Variants in JADE2 observed in about 807,000 individuals in gnomAD.
JADE2 encodes the protein E3 ubiquitin-protein ligase Jade-2.
Under a neutral mutation model 85.7 loss-of-function variants are expected in JADE2, and 13 were observed. The ratio of observed to expected loss-of-function variants is 0.15; its 90% CI spans 0.10 to 0.24. The LOEUF is 0.24. Ranked by LOEUF, JADE2 falls within the 10% of genes least tolerant of loss-of-function variation. JADE2 has a pLI of 1.00. For synonymous variants in JADE2, 440 were observed against 456.1 expected, an observed-to-expected ratio of 0.96 and a Z score of 0.45; for missense variants, 846 against 1,115.9, an observed-to-expected ratio of 0.76 and a Z score of 3.45.
At chr5:134,531,060 ACACTGGG>A (rs1761201629) in intron 1 of JADE2, among the ~76,000 whole-genome samples, 1 of 152,186 alleles carries the variant, frequency 6.6e-6, no homozygotes, top group African/African-American at 2.4e-5. Context: ...TATTCCGTGG[ACACTGGG>A]TGGTGAATTT....
chr5:134,533,806 G>C (rs1761410046), intron 1 of JADE2, among the ~76,000 whole-genome samples: 1 of 150,024 alleles, frequency 6.7e-6, no homozygotes, highest in African/African-American at 2.5e-5. Context: ...GCGTGCAGTG[G>C]CACGATCATG....
At chr5:134,531,160 A>G (rs1761209331) in intron 1 of JADE2, among the ~76,000 whole-genome samples, 1 of 152,226 alleles carries the variant, frequency 6.6e-6, no homozygotes, top group Non-Finnish European at 1.5e-5. Context: ...ACATGCATAG[A>G]CCACATAGAA....
At chr5:134,543,547 C>G (rs1192436148) in intron 3 of JADE2, among the ~76,000 whole-genome samples, 2 of 152,016 alleles carry the variant, frequency 1.3e-5, no homozygotes, top group East Asian at 1.9e-4. Context: ...CATGGTGATG[C>G]ACACCTGTAA....
intron 1 of JADE2, chr5:134,526,581 G>A (rs937258767): frequency 4.1e-6 from 4 of 985,394 alleles, no homozygotes; most frequent in Non-Finnish European, 3.6e-6. Flanking sequence ...CTGGGCTCAC[G>A]TGCAGCCGGT....
At chr5:134,573,813 G>A (rs762360826) in intron 10 of JADE2, 51 bp downstream of exon 10, 24 of 1,151,608 alleles carry the variant, frequency 2.1e-5, no homozygotes, top group South Asian at 1.7e-4. Context: ...CCTCTCTTGC[G>A]GGGCTGGGTC....
intron 3 of JADE2, among the ~76,000 whole-genome samples, chr5:134,547,579 T>G (rs1762367969): frequency 6.6e-6 from 1 of 152,256 alleles, no homozygotes; most frequent in South Asian, 2.1e-4. Flanking sequence ...GGAGAACATT[T>G]AAGCCTTTTC....
In JADE2 at chr5:134,567,000, C is replaced by G. The variant is rs113795271; in HGVS notation, c.1434+420C>G. Among the ~76,000 whole-genome samples the G allele has an allele frequency of 4.2e-3, 639 of 152,338 alleles. 3 individuals carry two copies. The highest frequency in any genetic ancestry group is 0.015 in the African/African-American group (616 of 41,564). On this transcript the variant is annotated intron_variant, in intron 9 of 11. Transcript: ENST00000681547. The surrounding 1 kb of genome is among the most constrained non-coding windows in gnomAD (Gnocchi z 6.7). The stretch of plus-strand genomic sequence containing the variant: ...ATCTGAGGCAGAGGAGGAACTGGAG[C>G]TTCCCAAGCTGTCCCCGTAACCCAT...
chr5:134,534,029 G>A (rs4958248), intron 1 of JADE2, among the ~76,000 whole-genome samples: 18,744 of 152,124 alleles, frequency 0.12, 1,231 homozygotes, highest in East Asian at 0.16. Context: ...TACAGGTGTC[G>A]CACCCTTGAC....
At position 134,552,020 on chromosome 5, in the gene JADE2, GAAGT is replaced by G. The variant is rs757675946; in HGVS notation, c.154-31_154-28del. 1.2e-3 allele frequency: 1,983 copies of G among 1,613,780 alleles called. 16 individuals carry two copies. In the African/African-American group the frequency reaches 0.02, roughly 16 times the overall value. ...GGGGCAGACTGCCCTGAGGCAGTCT[GAAGT>G]CACTCTTTCCCCTCTTGCCCCTCAC... On this transcript the variant is annotated intron_variant, in intron 3 of 11. Transcript: ENST00000681547.
intron 1 of JADE2, among the ~76,000 whole-genome samples, chr5:134,527,252 G>C (rs906762583): frequency 1.3e-5 from 2 of 152,058 alleles, no homozygotes; most frequent in African/African-American, 4.8e-5. Context: ...CGCCTGCGGA[G>C]CGGCGCCCGC....
chr5:134,564,647 G>C, intron 8 of JADE2, 37 bp downstream of exon 8: 1 of 1,373,320 alleles, frequency 7.3e-7, no homozygotes, highest in Non-Finnish European at 9.9e-7. Flanking sequence ...GCCAGGAGCT[G>C]GCTGAGAGGC....
intron 1 of JADE2, chr5:134,526,866 A>G (rs991300243): frequency 2.5e-5 from 18 of 707,728 alleles, no homozygotes; most frequent in African/African-American, 2.5e-4. Context: ...AGGCGCTGGG[A>G]GAGTGGAAAT....
chr5:134,541,110 T>C (rs1761936309), intron 3 of JADE2, among the ~76,000 whole-genome samples: 1 of 152,188 alleles, frequency 6.6e-6, no homozygotes, highest in African/African-American at 2.4e-5. Context: ...GAGGTCTGCC[T>C]GGGAGACACC....
At chr5:134,576,071 C>T (rs1764348645) in intron 10 of JADE2, among the ~76,000 whole-genome samples, 1 of 152,118 alleles carries the variant, frequency 6.6e-6, no homozygotes, top group African/African-American at 2.4e-5. Context: ...TGGTGGCATG[C>T]ACCTGTGGTC....
intron 9 of JADE2, among the ~76,000 whole-genome samples, chr5:134,568,020 T>A (rs542411286): frequency 6.6e-6 from 1 of 152,206 alleles, no homozygotes. Flanking sequence ...TAGGCCACCA[T>A]GTCTCCACCC....
At chr5:134,528,042 C>G (rs1312212590) in intron 1 of JADE2, among the ~76,000 whole-genome samples, 1 of 152,174 alleles carries the variant, frequency 6.6e-6, no homozygotes, top group East Asian at 1.9e-4. Context: ...TCCAAAGCGT[C>G]TAGGAAGGGG....
At chr5:134,575,369 G>A (rs1764292730) in intron 10 of JADE2, 2 of 152,310 alleles carry the variant, frequency 1.3e-5, no homozygotes, top group South Asian at 2.1e-4. Flanking sequence ...TGAAGGATAG[G>A]AGAAGAAAAC....
In JADE2 at chr5:134,560,075, A is replaced by G. The variant is rs965224144; in HGVS notation, c.472+85A>G. On this transcript the variant is annotated intron_variant, in intron 5 of 11. Transcript: ENST00000681547. ...TCCCGAGAGGGACAGTGGCCCAGGC[A>G]GGGCTATGGTATGGCATGGATCTGG... The G allele has an allele frequency of 4.7e-6, 7 of 1,488,688 alleles. No individual in the cohort carries two copies. In the Admixed American group the frequency reaches 1.1e-4, roughly 23 times the overall value. The allele number at this position is 1,488,688 out of a possible 1,614,324, so 92.2% of individuals were successfully genotyped here.
At chr5:134,546,512 A>G (rs934793085) in intron 3 of JADE2, among the ~76,000 whole-genome samples, 2 of 152,206 alleles carry the variant, frequency 1.3e-5, no homozygotes, top group African/African-American at 2.4e-5. Flanking sequence ...TCACACCTGT[A>G]ATCCCAGCAC....
Sources: gnomAD v4.1 joint callset for allele counts (sites outside exome capture counted in the v4.1 genomes callset) on GRCh38, gnomAD v4.1.1 for gene constraint, Gnocchi (gnomAD v3.1) non-coding constraint, MANE v1.5 for transcripts, NCBI Gene and HGNC (gene_info 2026-07-23, HGNC 2026-07-21) for gene names.